Variants in INPP5B observed in about 807,000 individuals in gnomAD.
INPP5B encodes type II inositol 1,4,5-trisphosphate 5-phosphatase.
Under a neutral mutation model 118.5 loss-of-function variants are expected in INPP5B, and 90 were observed. The ratio of observed to expected loss-of-function variants is 0.76; its 90% confidence interval spans 0.64 to 0.90. The LOEUF (loss-of-function observed/expected upper bound fraction) is 0.90, where lower values mean the gene tolerates loss of function less well. INPP5B is among the 40% of genes least tolerant of loss of function. The pLI is 0.00. For synonymous variants in INPP5B, 385 were observed against 418.9 expected, an observed-to-expected ratio of 0.92 and a Z score of 0.99; for missense variants, 984 against 1,125.6, an observed-to-expected ratio of 0.87 and a Z score of 1.80.
chr1:37,926,243 AAAATACTT>A, intron 7 of INPP5B, among the ~76,000 whole-genome samples: 1 of 152,346 alleles, frequency 6.6e-6, no homozygotes, highest in Non-Finnish European at 1.5e-5. Context: ...TCCAGAAGAA[AAAATACTT>A]AAACACATCC....
intron 14 of INPP5B, among the ~76,000 whole-genome samples, chr1:37,880,580 G>A (rs955152578): frequency 1.3e-5 from 2 of 152,104 alleles, no homozygotes; most frequent in African/African-American, 4.8e-5. Flanking sequence ...TGGGATTACA[G>A]GCGCATGCCA....
chr1:37,865,990 T>G, intron 21 of INPP5B, 102 bp from the exon 22 acceptor site: 1 of 1,542,628 alleles, frequency 6.5e-7, no homozygotes, highest in Non-Finnish European at 8.8e-7. Context: ...CCTGTCAGGC[T>G]CTCTGCTCAG....
chr1:37,870,292 G>A (rs750980574), intron 19 of INPP5B, among the ~76,000 whole-genome samples: 1 of 151,884 alleles, frequency 6.6e-6, no homozygotes, highest in South Asian at 2.1e-4. Flanking sequence ...TAATTTTTTT[G>A]TAGAGATGGA....
intron 5 of INPP5B, among the ~76,000 whole-genome samples, chr1:37,942,633 G>T (rs1557733444): frequency 6.6e-6 from 1 of 152,238 alleles, no homozygotes; most frequent in Admixed American, 6.5e-5. Flanking sequence ...GGCAAGCCAG[G>T]TGTGGTGGCT....
intron 15 of INPP5B, among the ~76,000 whole-genome samples, chr1:37,879,241 C>T (rs567543363): frequency 1.0e-4 from 15 of 149,628 alleles, no homozygotes; most frequent in African/African-American, 3.7e-4. Context: ...CACTGCACTA[C>T]AGCCTGGCGA....
chr1:37,926,665 T>A (rs1405826068), intron 7 of INPP5B, among the ~76,000 whole-genome samples: 1 of 152,192 alleles, frequency 6.6e-6, no homozygotes, highest in Non-Finnish European at 1.5e-5. Flanking sequence ...TAGCCCAGAA[T>A]GGCCCCTGTG....
chr1:37,900,027 C>T (rs1402255559), intron 7 of INPP5B, among the ~76,000 whole-genome samples: 1 of 151,002 alleles, frequency 6.6e-6, no homozygotes, highest in African/African-American at 2.4e-5. Context: ...CTACGTTCCA[C>T]TGGAAGTTTG....
rs1312096033 is a variant in INPP5B, at chr1:37,874,164, A to C, written c.1789-9T>G. ...ACATTCTGAAAACAGAACTGGGAAG[A>C]AGCCCGGGGCCAGTGAAAACCAGTG... is the stretch of plus-strand genomic sequence containing the variant. On this transcript the variant is annotated splice_polypyrimidine_tract_variant and intron_variant, in intron 17 of 23. Coordinates refer to ENST00000373024, the MANE Select transcript of INPP5B (RefSeq NM_005540.3). 2 of 1,552,344 alleles carry C rather than the reference A, an allele frequency of 1.3e-6. No individual in the cohort carries two copies. Among genetic ancestry groups the C allele is most frequent in the Non-Finnish European group, 8.8e-7 (1 of 1,135,278 alleles).
chr1:37,940,890 G>C (rs1196493334), intron 5 of INPP5B, 92 bp from the exon 6 acceptor site: 1 of 826,082 alleles, frequency 1.2e-6, no homozygotes, highest in Admixed American at 2.2e-5. Flanking sequence ...CAGCAACCCA[G>C]ACTCCCAAAG....
At position 37,946,270 on chromosome 1, in the gene INPP5B, C is replaced by T. The variant is rs780227617; in HGVS notation, c.39G>A (p.Glu13=). ...AGGATATGATGACGCAGTATTCCCC[C>T]TCAGCCAGCGTCTCCTGGATTGCCA... ...QSVAIQETLA[E]GEYCVIAVQG... is the part of the protein sequence containing the mutation. The change falls in exon 2 of 24, where the codon GAG becomes GAA. Residue 13 remains glutamate, a synonymous_variant. Coordinates refer to ENST00000373024, the MANE Select transcript of INPP5B (RefSeq NM_005540.3). 3.1e-6 allele frequency: 5 copies of T among 1,611,676 alleles called. No homozygotes were observed. The Admixed American group carries it at 6.7e-5, about 22-fold the overall frequency.
chr1:37,866,648 G>T (rs1052967549), intron 20 of INPP5B, 105 bp from the exon 21 acceptor site: 3 of 716,798 alleles, frequency 4.2e-6, no homozygotes, highest in African/African-American at 3.5e-5. Context: ...GAGCAGTGTG[G>T]TGAGGCCTCT....
chr1:37,944,294 C>T (rs1646039477), intron 3 of INPP5B, among the ~76,000 whole-genome samples: 1 of 152,182 alleles, frequency 6.6e-6, no homozygotes, highest in Non-Finnish European at 1.5e-5. Context: ...CTCCCAGCTC[C>T]TAGACCCTGA....
chr1:37,894,570 T>TA (rs1643952152), intron 7 of INPP5B, among the ~76,000 whole-genome samples: 1 of 151,250 alleles, frequency 6.6e-6, no homozygotes. Context: ...TCTTTTTTTT[T>TA]TTTTTTTTTG....
At chr1:37,935,800 C>T (rs2148675175) in intron 6 of INPP5B, among the ~76,000 whole-genome samples, 1 of 151,866 alleles carries the variant, frequency 6.6e-6, no homozygotes, top group East Asian at 2.0e-4. Context: ...GGCGCGGTGG[C>T]TCACGCCTGT....
At chr1:37,876,700 A>T (rs918931931) in intron 16 of INPP5B, among the ~76,000 whole-genome samples, 1 of 128,302 alleles carries the variant, frequency 7.8e-6, no homozygotes, top group Admixed American at 8.2e-5. Context: ...TCTACTAAAA[A>T]TACAAAAAAA....
chr1:37,889,434 A>T, intron 9 of INPP5B, 123 bp downstream of exon 9: 1 of 735,072 alleles, frequency 1.4e-6, no homozygotes. Flanking sequence ...TCATTTTGAA[A>T]ATGAGGGGAG....
In INPP5B at chr1:37,861,852, A is replaced by G. The variant is rs1641715232; in HGVS notation, c.*463T>C. 1 of 154,830 alleles carries G rather than the reference A, an allele frequency of 6.5e-6. No homozygotes were observed. Among genetic ancestry groups the G allele is most frequent in the Admixed American group, 6.4e-5 (1 of 15,506 alleles). 9.6% of individuals were successfully genotyped at this position (154,830 alleles called of 1,614,324 possible). A position where few individuals can be genotyped will look rare whatever the true frequency, so the allele number is the denominator to read the frequency against. On this transcript the variant is annotated 3_prime_UTR_variant, in exon 24 of 24. Coordinates refer to ENST00000373024, the MANE Select transcript of INPP5B (RefSeq NM_005540.3). ...GGAGTTTTAGAACAGCCTGGGCAAC[A>G]CGGTGAAACCCCGTCTCTACTAAAA...
chr1:37,912,907 C>T (rs933240615), intron 7 of INPP5B, among the ~76,000 whole-genome samples: 2 of 150,476 alleles, frequency 1.3e-5, no homozygotes, highest in Non-Finnish European at 2.9e-5. Context: ...CTTTGCATTT[C>T]TCTTTCCTCT....
At chr1:37,940,308 G>T (rs978648133) in intron 6 of INPP5B, among the ~76,000 whole-genome samples, 1 of 152,208 alleles carries the variant, frequency 6.6e-6, no homozygotes, top group African/African-American at 2.4e-5. Context: ...GGGCAGGAGA[G>T]CCAATATGAC....
Sources: gnomAD v4.1 joint callset for allele counts (sites outside exome capture counted in the v4.1 genomes callset) on GRCh38, gnomAD v4.1.1 for gene constraint, MANE v1.5 for transcripts, NCBI Gene and HGNC (gene_info 2026-07-23, HGNC 2026-07-21) for gene names.